CENPP: variants seen among roughly 807,000 people sequenced by gnomAD.
The protein encoded by CENPP is centromere protein P.
Under a neutral mutation model 35.6 loss-of-function variants are expected in CENPP, and 24 were observed. The observed-to-expected ratio is 0.67, with a 90% CI of 0.49 to 0.95. CENPP has a LOEUF of 0.95. CENPP is among the 40% of genes least tolerant of loss of function. The pLI is 0.00. For missense variants in CENPP, 332 were observed against 345.3 expected (o/e 0.96, Z 0.31); for synonymous variants, 120 against 125.5 (o/e 0.96, Z 0.29).
intron 5 of CENPP, among the ~76,000 whole-genome samples, chr9:92,386,970 C>A (rs143795095): frequency 0.031 from 4,634 of 150,978 alleles, 108 homozygotes; most frequent in South Asian, 0.083. Flanking sequence ...ATGCTGTGAA[C>A]CCAGGAGGCA....
chr9:92,390,576 G>A (rs901504690), intron 5 of CENPP, among the ~76,000 whole-genome samples: 1 of 151,034 alleles, frequency 6.6e-6, no homozygotes, highest in African/African-American at 2.4e-5. Flanking sequence ...GTGTGTGTGT[G>A]TGTGTGTGTG....
intron 5 of CENPP, among the ~76,000 whole-genome samples, chr9:92,396,141 TA>T (rs1370407950): frequency 6.6e-6 from 1 of 152,202 alleles, no homozygotes; most frequent in Non-Finnish European, 1.5e-5. Context: ...CATTGAATTG[TA>T]TTGTCACATT....
At chr9:92,505,205 T>A (rs993790234) in intron 5 of CENPP, among the ~76,000 whole-genome samples, 1 of 152,204 alleles carries the variant, frequency 6.6e-6, no homozygotes, top group African/African-American at 2.4e-5. Flanking sequence ...CATTTCTAGA[T>A]TGGGGCAGTT....
At chr9:92,388,579 G>A (rs1165193652) in intron 5 of CENPP, among the ~76,000 whole-genome samples, 5 of 151,072 alleles carry the variant, frequency 3.3e-5, no homozygotes, top group Non-Finnish European at 7.4e-5. Context: ...GGTGGCTTAC[G>A]CCTGTAATCC....
chr9:92,573,862 G>C (rs1010717976), intron 5 of CENPP, among the ~76,000 whole-genome samples: 1 of 152,230 alleles, frequency 6.6e-6, no homozygotes, highest in African/African-American at 2.4e-5. Flanking sequence ...TGTGCTAGCA[G>C]TGAGCGAGGC....
chr9:92,399,064 A>G (rs1843004197), intron 5 of CENPP, among the ~76,000 whole-genome samples: 1 of 152,172 alleles, frequency 6.6e-6, no homozygotes, highest in African/African-American at 2.4e-5. Context: ...CAAAAAAAAA[A>G]AAAAATCCTC....
intron 5 of CENPP, among the ~76,000 whole-genome samples, chr9:92,588,780 G>A (rs1039703964): frequency 2.6e-5 from 4 of 152,132 alleles, no homozygotes; most frequent in African/African-American, 7.2e-5. Context: ...TAAAGAAGGT[G>A]GAACCTTGGC....
At chr9:92,326,149 T>A in intron 1 of CENPP, 44 bp downstream of exon 1, 1 of 1,311,378 alleles carries the variant, frequency 7.6e-7, no homozygotes, top group Non-Finnish European at 1.0e-6. Flanking sequence ...TGGCCAGGGT[T>A]CCCGGGCCAG....
chr9:92,458,696 G>A (rs958089948), intron 5 of CENPP, among the ~76,000 whole-genome samples: 6 of 152,182 alleles, frequency 3.9e-5, no homozygotes, highest in African/African-American at 1.4e-4. Context: ...AAGCAGAGTT[G>A]TGGAGCAAAT....
rs1015961736 is a variant in CENPP, at chr9:92,591,263, C to CA, written c.565-20044dup. On this transcript the variant is annotated intron_variant, in intron 5 of 7. Transcript: ENST00000375587. ...TGAAACCCCGCCTCTACTAAAAATACAAAAAAATTAGCCAGTGTGATGGCG... is the reference window on the plus strand; with the variant it reads ...TGAAACCCCGCCTCTACTAAAAATACAAAAAAAATTAGCCAGTGTGATGGCG... Among the ~76,000 whole-genome samples the CA allele has an allele frequency of 1.1e-4, 17 of 152,028 alleles. 1 individual carries two copies. The highest frequency in any genetic ancestry group is 2.9e-4 in the African/African-American group (12 of 41,484).
At chr9:92,470,578 C>T in intron 5 of CENPP, 3 of 635,352 alleles carry the variant, frequency 4.7e-6, no homozygotes, top group East Asian at 3.3e-5. Context: ...AAAAGTAAGA[C>T]TTGTTTATAC....
chr9:92,522,926 G>A, intron 5 of CENPP: 1 of 1,511,044 alleles, frequency 6.6e-7, no homozygotes, highest in Non-Finnish European at 8.8e-7. Context: ...AGTTAGTGGT[G>A]ACTAAATTTT....
At chr9:92,583,886 T>G (rs1850485636) in intron 5 of CENPP, among the ~76,000 whole-genome samples, 1 of 152,240 alleles carries the variant, frequency 6.6e-6, no homozygotes, top group Non-Finnish European at 1.5e-5. Flanking sequence ...TGAAAATTAC[T>G]TCTCTATGTC....
chr9:92,566,162 G>A (rs1233042918), intron 5 of CENPP, among the ~76,000 whole-genome samples: 6 of 151,924 alleles, frequency 3.9e-5, no homozygotes, highest in Non-Finnish European at 5.9e-5. Context: ...TTAGCCGGGC[G>A]TGATGTCGGG....
intron 4 of CENPP, among the ~76,000 whole-genome samples, chr9:92,368,933 G>C (rs1439762611): frequency 1.3e-5 from 2 of 152,116 alleles, no homozygotes; most frequent in African/African-American, 4.8e-5. Flanking sequence ...AGTTATAGCT[G>C]CTCAGGAGAC....
intron 5 of CENPP, among the ~76,000 whole-genome samples, chr9:92,422,254 A>T (rs905283105): frequency 6.6e-6 from 1 of 152,044 alleles, no homozygotes; most frequent in African/African-American, 2.4e-5. Flanking sequence ...GGATTTTGCC[A>T]TGTTGGCCAG....
chr9:92,572,082 A>G (rs770531217), intron 5 of CENPP, among the ~76,000 whole-genome samples: 2 of 152,086 alleles, frequency 1.3e-5, no homozygotes, highest in Non-Finnish European at 2.9e-5. Flanking sequence ...CATTTAGCCC[A>G]TTTACATTTA....
At chr9:92,600,644 T>C in intron 5 of CENPP, 1 of 1,452,964 alleles carries the variant, frequency 6.9e-7, no homozygotes, top group Non-Finnish European at 9.2e-7. Flanking sequence ...CGGCCATCCC[T>C]TCTGGTGGGG....
At chr9:92,387,411 G>A (rs989193156) in intron 5 of CENPP, among the ~76,000 whole-genome samples, 4 of 151,832 alleles carry the variant, frequency 2.6e-5, no homozygotes, top group African/African-American at 9.7e-5. Context: ...TTAGCAAGAT[G>A]TTTCCCAAAG....
Sources: gnomAD v4.1 joint callset for allele counts (sites outside exome capture counted in the v4.1 genomes callset) on GRCh38, gnomAD v4.1.1 for gene constraint, MANE v1.5 for transcripts, NCBI Gene and HGNC (gene_info 2026-07-23, HGNC 2026-07-21) for gene names.